Variants in ANO2 observed in about 807,000 individuals in gnomAD.
The protein encoded by ANO2 is anoctamin-2.
In ANO2, 101 loss-of-function variants were observed where a neutral mutation model predicts 124.2. The ratio of observed to expected loss-of-function variants is 0.81; its 90% CI spans 0.69 to 0.96. ANO2 has a LOEUF of 0.96. ANO2 is among the 40% of genes least tolerant of loss of function. ANO2 has a pLI of 0.00. For synonymous variants in ANO2, 486 were observed against 482.5 expected, an observed-to-expected ratio of 1.01 and a Z score of -0.09; for missense variants, 1,293 against 1,274.5, an observed-to-expected ratio of 1.01 and a Z score of -0.22.
chr12:5,700,510 C>T (rs1171390427), intron 14 of ANO2, among the ~76,000 whole-genome samples: 1 of 152,058 alleles, frequency 6.6e-6, no homozygotes, highest in East Asian at 1.9e-4. Flanking sequence ...AATCAATACC[C>T]TAACATCACA....
intron 14 of ANO2, among the ~76,000 whole-genome samples, chr12:5,670,305 G>A (rs1188892530): frequency 6.6e-6 from 1 of 152,138 alleles, no homozygotes; most frequent in African/African-American, 2.4e-5. Flanking sequence ...CTAAGCATCT[G>A]CTATGTGTTA....
chr12:5,902,575 C>T (rs556710915), intron 3 of ANO2, among the ~76,000 whole-genome samples: 80 of 99,332 alleles, frequency 8.1e-4, no homozygotes, highest in African/African-American at 3.1e-3. Flanking sequence ...GCCAACAGAA[C>T]AAGACTCAAT....
intron 14 of ANO2, among the ~76,000 whole-genome samples, chr12:5,653,126 G>A (rs1261444658): frequency 1.3e-5 from 2 of 152,236 alleles, no homozygotes; most frequent in Non-Finnish European, 2.9e-5. Flanking sequence ...CAGGACTGGA[G>A]TGGAACTGGA....
intron 3 of ANO2, among the ~76,000 whole-genome samples, chr12:5,861,524 A>G (rs1036182382): frequency 2.0e-5 from 3 of 152,334 alleles, no homozygotes; most frequent in Middle Eastern, 3.4e-3. Flanking sequence ...AGCGGGAGGC[A>G]GCCCCAGCCA....
chr12:5,807,260 G>T (rs571267334), intron 8 of ANO2, 53 bp downstream of exon 8: 2 of 1,489,592 alleles, frequency 1.3e-6, no homozygotes, highest in South Asian at 2.6e-5. Context: ...AAAAGTTGTG[G>T]TTTTCAAAGT....
At chr12:5,813,236 G>T (rs1010486504) in intron 7 of ANO2, among the ~76,000 whole-genome samples, 3 of 152,184 alleles carry the variant, frequency 2.0e-5, no homozygotes, top group African/African-American at 7.2e-5. Context: ...TCTTTGGGGG[G>T]TCAGAACCCC....
At chr12:5,927,401 T>C (rs867401856) in intron 1 of ANO2, among the ~76,000 whole-genome samples, 6 of 152,188 alleles carry the variant, frequency 3.9e-5, no homozygotes, top group East Asian at 3.9e-4. Context: ...ATCAGAGACA[T>C]TGAGAGAAAA....
rs530769993 is a variant in ANO2 at position 5,873,783 on chromosome 12, G to A, written c.535-19642C>T. Among the ~76,000 whole-genome samples the A allele has an allele frequency of 1.6e-3, 245 of 152,356 alleles. 1 individual carries two copies. The highest frequency in any genetic ancestry group is 5.6e-3 in the African/African-American group (232 of 41,586). On this transcript the variant is annotated intron_variant, in intron 3 of 24. Transcript: ENST00000682330. ...AAGAAGCTCTTTGTGCAGGGGTGGTGAAGTGTTTTGCAGGAAAGCCTCAGC... is the reference window on the plus strand; with the variant it reads ...AAGAAGCTCTTTGTGCAGGGGTGGTAAAGTGTTTTGCAGGAAAGCCTCAGC...
rs558331724 is a variant in ANO2, at chr12:5,671,538, T to C, written c.1546-23737A>G. On this transcript the variant is annotated intron_variant, in intron 14 of 24. Coordinates refer to ENST00000682330, the MANE Select transcript of ANO2 (RefSeq NM_001364791.2). ...GCGTGTGTGTGTGAGTGTGTGTGTG[T>C]GCATCTCAGGGCAGAGGGGGCAGGT... is the stretch of plus-strand genomic sequence containing the variant. Among the ~76,000 whole-genome samples, 4 of 151,932 alleles carry C rather than the reference T, an allele frequency of 2.6e-5. No individual in the cohort carries two copies. In the South Asian group the frequency reaches 8.4e-4, roughly 32 times the overall value.
chr12:5,671,898 A>T (rs888932344), intron 14 of ANO2, among the ~76,000 whole-genome samples: 1 of 152,136 alleles, frequency 6.6e-6, no homozygotes, highest in Non-Finnish European at 1.5e-5. Context: ...GCAGCAACAC[A>T]TTGCTTGGCC....
intron 16 of ANO2, among the ~76,000 whole-genome samples, chr12:5,617,208 A>C (rs1198700394): frequency 7.0e-6 from 1 of 142,696 alleles, no homozygotes; most frequent in Non-Finnish European, 1.5e-5. Context: ...CCACACCCTC[A>C]AGATCACAAT....
intron 7 of ANO2, among the ~76,000 whole-genome samples, chr12:5,808,170 T>C (rs1188120407): frequency 6.6e-6 from 1 of 152,238 alleles, no homozygotes; most frequent in Non-Finnish European, 1.5e-5. Context: ...AGTGTGAAGT[T>C]ACCCTGAGAC....
chr12:5,753,037 A>G (rs1951484365), intron 10 of ANO2, among the ~76,000 whole-genome samples: 1 of 152,200 alleles, frequency 6.6e-6, no homozygotes, highest in South Asian at 2.1e-4. Flanking sequence ...GTAAACCAAA[A>G]CTTATTCTGA....
intron 1 of ANO2, among the ~76,000 whole-genome samples, chr12:5,927,433 G>A (rs916262184): frequency 9.2e-5 from 14 of 152,172 alleles, no homozygotes; most frequent in Non-Finnish European, 1.8e-4. Flanking sequence ...GAAGGATGGA[G>A]AGGCCCAAAT....
chr12:5,806,796 A>G (rs531330950), intron 8 of ANO2, among the ~76,000 whole-genome samples: 1 of 152,104 alleles, frequency 6.6e-6, no homozygotes, highest in Admixed American at 6.5e-5. Flanking sequence ...TTCAAAAAAA[A>G]TTTTTTTTAA....
chr12:5,839,116 G>A (rs1954424344), intron 4 of ANO2, among the ~76,000 whole-genome samples: 1 of 152,228 alleles, frequency 6.6e-6, no homozygotes, highest in Non-Finnish European at 1.5e-5. Context: ...ATGGGAGACA[G>A]ACAAGGGGAG....
intron 3 of ANO2, among the ~76,000 whole-genome samples, chr12:5,889,636 G>T (rs1939245409): frequency 6.6e-6 from 1 of 152,346 alleles, no homozygotes; most frequent in African/African-American, 2.4e-5. Context: ...CCAGGACTGG[G>T]TTTCCTCTTT....
intron 4 of ANO2, chr12:5,852,050 A>G: frequency 1.4e-6 from 1 of 704,102 alleles, no homozygotes; most frequent in Non-Finnish European, 2.6e-6. Context: ...CAGATAAACC[A>G]GAGAGAAAGG....
At chr12:5,628,074 G>A (rs1052437132) in intron 16 of ANO2, among the ~76,000 whole-genome samples, 1 of 152,160 alleles carries the variant, frequency 6.6e-6, no homozygotes, top group Non-Finnish European at 1.5e-5. Flanking sequence ...CACCCCAGTC[G>A]GGGCAACAGA....
Sources: allele counts gnomAD v4.1 joint callset (sites outside exome capture counted in the v4.1 genomes callset), GRCh38; gene constraint gnomAD v4.1.1; transcripts MANE v1.5; gene names NCBI Gene and HGNC (gene_info 2026-07-23, HGNC 2026-07-21).